Variants in SLC66A3 observed in about 807,000 individuals in gnomAD.
The protein encoded by SLC66A3 is PQ loop repeat containing 3.
In SLC66A3, 23 loss-of-function variants were observed where a neutral mutation model predicts 25.5. The observed-to-expected ratio is 0.90, with a 90% CI of 0.65 to 1.28. The LOEUF is 1.28. SLC66A3 is among the 50% of genes most tolerant of loss of function. The pLI, the probability that SLC66A3 is intolerant of heterozygous loss-of-function variation, is 0.00. For missense variants in SLC66A3, 246 were observed against 262.1 expected (o/e 0.94, Z 0.42); for synonymous variants, 108 against 112.6 (o/e 0.96, Z 0.26).
intron 4 of SLC66A3, among the ~76,000 whole-genome samples, chr2:11,169,835 CTCTTTT>C (rs1206355719): frequency 0.011 from 937 of 85,126 alleles, 15 homozygotes; most frequent in African/African-American, 0.034. Flanking sequence ...CTGGATTTCT[CTCTTTT>C]TTTTTTTTTT....
chr2:11,171,940 A>G lies in SLC66A3; in HGVS notation c.370A>G (p.Ile124Val). 1 of 1,614,018 alleles carries G rather than the reference A, an allele frequency of 6.2e-7. No homozygotes were observed. The highest frequency in any genetic ancestry group is 8.5e-7 in the Non-Finnish European group (1 of 1,179,970). ...IDLAMNLCTF[I>V]SAASKFAQLQ... ...CTGCAAACAGAATCTATGTACTTTCATCAGCGCGGCCAGTAAGTTTGCACA... is the reference window on the plus strand; with the variant it reads ...CTGCAAACAGAATCTATGTACTTTCGTCAGCGCGGCCAGTAAGTTTGCACA... Residue 124 changes from isoleucine (I) to valine (V), a missense_variant, in exon 5 of 7, where the codon ATC becomes GTC. Physicochemically the swap from Ile to Val is conservative, Grantham distance 29. Transcript: ENST00000295083.
At chr2:11,171,863 T>C (rs918563295) in intron 4 of SLC66A3, 62 bp from the exon 5 acceptor site, 2 of 1,594,212 alleles carry the variant, frequency 1.3e-6, no homozygotes, top group South Asian at 1.1e-5. Flanking sequence ...CCACCGCACC[T>C]GGCCTCTTTT....
At chr2:11,164,040 C>A (rs1662217663) in intron 3 of SLC66A3, among the ~76,000 whole-genome samples, 164 bp from the exon 4 acceptor site, 1 of 152,010 alleles carries the variant, frequency 6.6e-6, no homozygotes, top group Admixed American at 6.6e-5. Context: ...CACTTGCGAC[C>A]CTTTTCGTCC....
In SLC66A3 at chr2:11,175,001, A is replaced by AT. The variant is rs1488836976; in HGVS notation, c.513dup (p.Thr172TyrfsTer31). The AT allele has an allele frequency of 6.2e-7, 1 of 1,608,078 alleles. No homozygotes were observed. Among genetic ancestry groups the AT allele is most frequent in the Admixed American group, 1.7e-5 (1 of 58,918 alleles). On this transcript the variant is annotated frameshift_variant, in exon 6 of 7. Transcript: ENST00000295083. LOFTEE classifies it high-confidence loss of function. ...ATCACAACCTTAATGACCACCAATG[A>AT]TTTTACAAGTAAGCAAAATATCTTC...
At chr2:11,165,770 T>A (rs1662315556) in intron 4 of SLC66A3, among the ~76,000 whole-genome samples, 1 of 152,216 alleles carries the variant, frequency 6.6e-6, no homozygotes, top group Non-Finnish European at 1.5e-5. Flanking sequence ...TCCCGGCACC[T>A]CGGGAGGCCG....
intron 4 of SLC66A3, among the ~76,000 whole-genome samples, chr2:11,168,019 G>A (rs546888746): frequency 1.3e-5 from 2 of 152,120 alleles, no homozygotes; most frequent in Non-Finnish European, 2.9e-5. Flanking sequence ...GGTGGCTCAC[G>A]CCTGTGATCC....
intron 1 of SLC66A3, among the ~76,000 whole-genome samples, chr2:11,158,401 AC>A (rs1661982587): frequency 6.6e-6 from 1 of 151,950 alleles, no homozygotes; most frequent in South Asian, 2.1e-4. Flanking sequence ...AGTGGCTCAC[AC>A]CTGTAATCCC....
intron 3 of SLC66A3, 46 bp from the exon 4 acceptor site, chr2:11,164,158 C>A: frequency 8.4e-7 from 1 of 1,184,080 alleles, no homozygotes; most frequent in Non-Finnish European, 1.2e-6. Flanking sequence ...GGGAGGGTGG[C>A]GCGGATGTGG....
intron 3 of SLC66A3, among the ~76,000 whole-genome samples, chr2:11,162,808 A>G (rs569969773): frequency 4.0e-4 from 61 of 152,042 alleles, no homozygotes; most frequent in African/African-American, 1.4e-3. Flanking sequence ...GGGTTTCACC[A>G]TGTTAGCCAG....
At chr2:11,169,785 TC>T (rs1662479009) in intron 4 of SLC66A3, among the ~76,000 whole-genome samples, 1 of 151,068 alleles carries the variant, frequency 6.6e-6, no homozygotes, top group South Asian at 2.1e-4. Flanking sequence ...ACTCTGTTCT[TC>T]CACTGCAAAG....
chr2:11,171,232 T>A (rs914091853), intron 4 of SLC66A3, among the ~76,000 whole-genome samples: 6 of 152,028 alleles, frequency 3.9e-5, no homozygotes, highest in African/African-American at 1.2e-4. Context: ...ACAGGAGAAT[T>A]GCTTGAACCT....
At chr2:11,157,830 C>T (rs955575207) in intron 1 of SLC66A3, among the ~76,000 whole-genome samples, 1 of 152,202 alleles carries the variant, frequency 6.6e-6, no homozygotes, top group African/African-American at 2.4e-5. Flanking sequence ...CCTTCCCCCT[C>T]GCAAGTTCCC....
intron 6 of SLC66A3, among the ~76,000 whole-genome samples, chr2:11,175,718 C>T (rs1301648536): frequency 2.0e-5 from 3 of 152,206 alleles, no homozygotes; most frequent in Non-Finnish European, 4.4e-5. Context: ...GGAGGAAATA[C>T]TATGGTTAAC....
intron 6 of SLC66A3, 58 bp downstream of exon 6, chr2:11,175,067 A>G: frequency 7.6e-7 from 1 of 1,320,010 alleles, no homozygotes; most frequent in Non-Finnish European, 1.1e-6. Context: ...TGTCTCCTTC[A>G]TTTGTAAACT....
chr2:11,159,898 C>A (rs11884623), intron 1 of SLC66A3, among the ~76,000 whole-genome samples: 6,479 of 152,280 alleles, frequency 0.043, 322 homozygotes, highest in African/African-American at 0.12. Context: ...GAGGGTGGTT[C>A]TTCACGCTTT....
intron 5 of SLC66A3, among the ~76,000 whole-genome samples, chr2:11,174,516 A>G (rs1485470966): frequency 6.6e-6 from 1 of 152,020 alleles, no homozygotes; most frequent in South Asian, 2.1e-4. Context: ...TTTGTTTTTG[A>G]GACGGAGTCT....
intron 6 of SLC66A3, 31 bp downstream of exon 6, chr2:11,175,040 G>T (rs1422461075): frequency 1.3e-6 from 2 of 1,547,258 alleles, no homozygotes; most frequent in South Asian, 2.3e-5. Flanking sequence ...CTTCCTTTTT[G>T]AGTTTTGTGC....
rs114895121 is a variant in SLC66A3, at chr2:11,177,339, C to T, written c.518-398C>T. ...GCCAGGCGTGGTGGTGGGCACCTGT[C>T]ATCCCAGGTGCCTGGGGAGCTGAGG... On this transcript the variant is annotated intron_variant, in intron 6 of 6. Coordinates refer to ENST00000295083, the MANE Select transcript of SLC66A3 (RefSeq NM_152391.5). 9.0e-3 allele frequency among the ~76,000 whole-genome samples: 1,362 copies of T among 152,014 alleles called. 16 individuals are homozygous for T. Among genetic ancestry groups the T allele is most frequent in the African/African-American group, 0.031 (1,286 of 41,454 alleles).
At position 11,164,160 on chromosome 2, in the gene SLC66A3, C is replaced by T. The variant is rs554913091; in HGVS notation, c.297-44C>T. On this transcript the variant is annotated intron_variant, in intron 3 of 6. Coordinates refer to ENST00000295083, the MANE Select transcript of SLC66A3 (RefSeq NM_152391.5). ...GTATATGTGAGATGGGAGGGTGGCG[C>T]GGATGTGGGTGACCCACTGCTGTGT... The T allele has an allele frequency of 1.4e-5, 17 of 1,238,878 alleles. No homozygotes were observed. In the East Asian group the frequency reaches 2.9e-4, roughly 21 times the overall value. 76.7% of individuals were successfully genotyped at this position (1,238,878 alleles called of 1,614,324 possible). A position where few individuals can be genotyped will look rare whatever the true frequency, so the allele number is the denominator to read the frequency against.
Sources: gnomAD v4.1 joint callset for allele counts (sites outside exome capture counted in the v4.1 genomes callset) on GRCh38, gnomAD v4.1.1 for gene constraint, MANE v1.5 for transcripts, NCBI Gene and HGNC (gene_info 2026-07-23, HGNC 2026-07-21) for gene names.